AGBL4: variants seen among roughly 807,000 people sequenced by gnomAD.
AGBL4 encodes the protein cytosolic carboxypeptidase 6.
Under a neutral mutation model 66.4 loss-of-function variants are expected in AGBL4, and 58 were observed. That is an observed-to-expected ratio of 0.87 (90% CI 0.71 to 1.09). The LOEUF (loss-of-function observed/expected upper bound fraction) is 1.09. Among genes scored for constraint, AGBL4 ranks in the 50% least tolerant of loss-of-function variants. The pLI, the probability that AGBL4 is intolerant of heterozygous loss-of-function variation, is 0.00. For missense variants in AGBL4, 579 were observed against 631.0 expected (o/e 0.92, Z 0.88); for synonymous variants, 234 against 222.9 (o/e 1.05, Z -0.44).
chr1:49,116,471 T>C (rs1309224746), intron 4 of AGBL4, among the ~76,000 whole-genome samples: 1 of 152,172 alleles, frequency 6.6e-6, no homozygotes, highest in Non-Finnish European at 1.5e-5. Context: ...ACATGTGGTG[T>C]TTGATTTTTT....
At chr1:49,107,694 TGAGAGA>T (rs56321932) in intron 4 of AGBL4, among the ~76,000 whole-genome samples, 1,257 of 113,962 alleles carry the variant, frequency 0.011, 8 homozygotes, top group African/African-American at 0.02. Context: ...TGTGTGTGTG[TGAGAGA>T]GAGAGAGAGA....
chr1:49,948,524 TAA>T (rs1655738674), intron 1 of AGBL4, among the ~76,000 whole-genome samples: 2 of 83,804 alleles, frequency 2.4e-5, no homozygotes, highest in African/African-American at 4.1e-5. Flanking sequence ...AAAATATAAA[TAA>T]ATATATATAA....
chr1:49,923,506 G>A (rs144848564), intron 1 of AGBL4, among the ~76,000 whole-genome samples: 4,292 of 151,904 alleles, frequency 0.028, 172 homozygotes, highest in African/African-American at 0.098. Flanking sequence ...CAAAAGAAAC[G>A]ATCAACAGAG....
At chr1:50,014,584 G>T (rs1553160583) in intron 1 of AGBL4, among the ~76,000 whole-genome samples, 1 of 142,904 alleles carries the variant, frequency 7.0e-6, no homozygotes, top group Non-Finnish European at 1.5e-5. Context: ...CTGTGCAATG[G>T]TATAGTCTCA....
Position 49,368,531 on chromosome 1 carries a change from G to A in AGBL4, c.283-122667C>T, listed in dbSNP as rs1644282807. ...AAGGCTCTGAGAGATTCAGTAACTT[G>A]TCAAAACCCACGTCTCTGTGGTTAT... On this transcript the variant is annotated intron_variant, in intron 3 of 13. Coordinates refer to ENST00000371839, the MANE Select transcript of AGBL4 (RefSeq NM_032785.4). Among the ~76,000 whole-genome samples the A allele has an allele frequency of 1.3e-5, 2 of 151,874 alleles. 1 individual carries two copies. The highest frequency in any genetic ancestry group is 4.2e-4 in the South Asian group (2 of 4,812).
intron 2 of AGBL4, among the ~76,000 whole-genome samples, chr1:49,717,101 G>T (rs1463316279): frequency 1.3e-5 from 2 of 152,038 alleles, no homozygotes; most frequent in Non-Finnish European, 2.9e-5. Flanking sequence ...AAATCAACGT[G>T]CAAAAATCAC....
At chr1:49,428,560 G>A (rs1434485402) in intron 3 of AGBL4, among the ~76,000 whole-genome samples, 1 of 152,218 alleles carries the variant, frequency 6.6e-6, no homozygotes, top group Non-Finnish European at 1.5e-5. Context: ...TGACTCTCCT[G>A]CCTGGAGTTT....
chr1:48,918,220 C>A (rs964524638), intron 5 of AGBL4, among the ~76,000 whole-genome samples: 3 of 152,210 alleles, frequency 2.0e-5, no homozygotes, highest in Admixed American at 1.3e-4. Context: ...CATTATCCCC[C>A]AGCTCCTAGG....
chr1:49,757,346 G>T (rs1378573741), intron 2 of AGBL4, among the ~76,000 whole-genome samples: 2 of 152,182 alleles, frequency 1.3e-5, no homozygotes, highest in Non-Finnish European at 1.5e-5. Flanking sequence ...ACAGTAAATT[G>T]GTACTGCAGA....
intron 3 of AGBL4, among the ~76,000 whole-genome samples, chr1:49,521,975 G>A (rs1417352138): frequency 6.6e-6 from 1 of 151,980 alleles, no homozygotes; most frequent in Non-Finnish European, 1.5e-5. Context: ...CTCACTACCT[G>A]GGTGATGGGA....
intron 4 of AGBL4, among the ~76,000 whole-genome samples, chr1:49,064,020 A>T (rs1191790033): frequency 6.6e-6 from 1 of 152,200 alleles, no homozygotes; most frequent in Non-Finnish European, 1.5e-5. Context: ...TGGGCAAGTG[A>T]CTTATCTTCT....
At chr1:49,969,644 T>G (rs1657884429) in intron 1 of AGBL4, among the ~76,000 whole-genome samples, 1 of 152,228 alleles carries the variant, frequency 6.6e-6, no homozygotes, top group African/African-American at 2.4e-5. Flanking sequence ...TTACTTAGCA[T>G]AATGTCCTTC....
chr1:49,606,119 A>T (rs549668272), intron 3 of AGBL4, among the ~76,000 whole-genome samples: 14 of 152,270 alleles, frequency 9.2e-5, no homozygotes, highest in African/African-American at 3.4e-4. Context: ...TTCCAGATCT[A>T]AGAAAAGTTG....
At chr1:49,148,810 C>G (rs549475940) in intron 4 of AGBL4, among the ~76,000 whole-genome samples, 4 of 152,314 alleles carry the variant, frequency 2.6e-5, no homozygotes, top group Admixed American at 2.6e-4. Context: ...CAATCAGATG[C>G]TCTGAGAAGG....
At chr1:49,913,455 G>C (rs897989251) in intron 1 of AGBL4, among the ~76,000 whole-genome samples, 1 of 152,200 alleles carries the variant, frequency 6.6e-6, no homozygotes, top group Non-Finnish European at 1.5e-5. Context: ...GTGGATATTG[G>C]GCCCCCAAGG....
At chr1:48,942,310 T>TGG (rs4028314) in intron 5 of AGBL4, among the ~76,000 whole-genome samples, 12 of 143,212 alleles carry the variant, frequency 8.4e-5, no homozygotes, top group Middle Eastern at 3.6e-3. Flanking sequence ...ATTATTGTGG[T>TGG]GGGGGGGGGG....
intron 3 of AGBL4, among the ~76,000 whole-genome samples, chr1:49,388,388 CA>C (rs1644780238): frequency 6.6e-6 from 1 of 152,012 alleles, no homozygotes. Flanking sequence ...AATAGCTGGC[CA>C]GGGGCAATGG....
intron 3 of AGBL4, among the ~76,000 whole-genome samples, chr1:49,659,087 A>G (rs1455550180): frequency 6.6e-6 from 1 of 152,188 alleles, no homozygotes; most frequent in Non-Finnish European, 1.5e-5. Flanking sequence ...AAGGAGAAAT[A>G]AAATCTTTTT....
intron 3 of AGBL4, among the ~76,000 whole-genome samples, chr1:49,283,025 CA>C (rs1057086969): frequency 1.3e-5 from 2 of 152,238 alleles, no homozygotes; most frequent in Non-Finnish European, 2.9e-5. Flanking sequence ...CACCACAGCT[CA>C]AGAAGGCCTG....
Sources: gnomAD v4.1 joint callset for allele counts (sites outside exome capture counted in the v4.1 genomes callset) on GRCh38, gnomAD v4.1.1 for gene constraint, MANE v1.5 for transcripts, NCBI Gene and HGNC (gene_info 2026-07-23, HGNC 2026-07-21) for gene names.